The following CCBE1 variants were observed in gnomAD, a reference collection of about 807,000 sequenced individuals.
CCBE1 encodes collagen and calcium binding EGF domains 1, also known as collagen and calcium-binding EGF domain-containing protein 1.
A neutral mutation model predicts 50.0 loss-of-function variants in CCBE1; 37 were observed. The ratio of observed to expected loss-of-function variants is 0.74; its 90% CI spans 0.57 to 0.97. CCBE1 has a LOEUF of 0.97. Among genes scored for constraint, CCBE1 ranks in the 50% least tolerant of loss-of-function variants. The pLI, the probability that CCBE1 is intolerant of heterozygous loss-of-function variation, is 0.00. For missense variants in CCBE1, 538 were observed against 523.8 expected (o/e 1.03, Z -0.26); for synonymous variants, 234 against 203.7 (o/e 1.15, Z -1.27).
intron 2 of CCBE1, among the ~76,000 whole-genome samples, chr18:59,637,411 A>G (rs1162492264): frequency 2.6e-5 from 4 of 152,164 alleles, no homozygotes; most frequent in Admixed American, 6.5e-5. Flanking sequence ...CATCAATTAC[A>G]AAGAGGTGTG....
chr18:59,531,443 A>G (rs1915045536), intron 2 of CCBE1, among the ~76,000 whole-genome samples: 1 of 152,172 alleles, frequency 6.6e-6, no homozygotes, highest in South Asian at 2.1e-4. Flanking sequence ...GAGGAGCCAA[A>G]AAAAATTTTG....
At chr18:59,461,292 T>C (rs1470377604) in intron 5 of CCBE1, among the ~76,000 whole-genome samples, 2 of 140,812 alleles carry the variant, frequency 1.4e-5, no homozygotes, top group East Asian at 2.1e-4. Context: ...TGCTGAAGAG[T>C]GGAGGCACTT....
Position 59,630,271 on chromosome 18 carries a change from CAA to C in CCBE1, c.212+66356_212+66357del, listed in dbSNP as rs34953722. Among the ~76,000 whole-genome samples the C allele has an allele frequency of 5.9e-3, 826 of 139,674 alleles. 9 individuals are homozygous for C. Among genetic ancestry groups the C allele is most frequent in the East Asian group, 0.043 (211 of 4,918 alleles). The allele number at this position is 139,674 out of a possible 152,430, so 91.6% of individuals were successfully genotyped here. A position where few individuals can be genotyped will look rare whatever the true frequency, so the allele number is the denominator to read the frequency against. On this transcript the variant is annotated intron_variant, in intron 2 of 10. Transcript: ENST00000439986. ...ATTTATTATTTGAAAGCCTTTTGGG[CAA>C]AAAAAAAAAAAAGTCATTTAATCTT...
chr18:59,478,182 A>G (rs1036913005), intron 3 of CCBE1, among the ~76,000 whole-genome samples: 2 of 152,096 alleles, frequency 1.3e-5, no homozygotes, highest in Admixed American at 6.5e-5. Flanking sequence ...CCTGCCTACA[A>G]TGAAGATTTT....
Position 59,581,672 on chromosome 18 carries a change from G to T in CCBE1, c.213-101434C>A, listed in dbSNP as rs973288920. ...TTCTCCAAATACACCAACCACTACAGCATTGTCTACTTCTGTATTACTTAC... is the reference window on the plus strand; with the variant it reads ...TTCTCCAAATACACCAACCACTACATCATTGTCTACTTCTGTATTACTTAC... On this transcript the variant is annotated intron_variant, in intron 2 of 10. Coordinates refer to ENST00000439986, the MANE Select transcript of CCBE1 (RefSeq NM_133459.4). Among the ~76,000 whole-genome samples the T allele has an allele frequency of 2.0e-5, 3 of 152,256 alleles. No homozygotes were observed. In the East Asian group the frequency reaches 5.8e-4, roughly 29 times the overall value.
intron 6 of CCBE1, 86 bp downstream of exon 6, chr18:59,454,765 T>C: frequency 8.7e-7 from 1 of 1,155,654 alleles, no homozygotes; most frequent in Non-Finnish European, 1.3e-6. Flanking sequence ...TGTGGATATT[T>C]TCTTATTTGT....
At chr18:59,674,791 C>T (rs2054477633) in intron 2 of CCBE1, among the ~76,000 whole-genome samples, 1 of 152,120 alleles carries the variant, frequency 6.6e-6, no homozygotes, top group African/African-American at 2.4e-5. Context: ...TAATCCACAA[C>T]TTTTATAAAA....
At position 59,498,196 on chromosome 18, in the gene CCBE1, C is replaced by T. The variant is rs1913446571; in HGVS notation, c.213-17958G>A. 2.7e-5 allele frequency among the ~76,000 whole-genome samples: 4 copies of T among 149,194 alleles called. No individual in the cohort carries two copies. In the South Asian group the frequency reaches 6.3e-4, roughly 24 times the overall value. ...CATTTCTGTTCTTTGCAACCAAGAT[C>T]TTTTTTTTTTGTCCAGTTATACTGG... On this transcript the variant is annotated intron_variant, in intron 2 of 10. Transcript: ENST00000439986.
chr18:59,483,596 A>C (rs771869030), intron 2 of CCBE1, among the ~76,000 whole-genome samples: 37 of 152,212 alleles, frequency 2.4e-4, no homozygotes, highest in Non-Finnish European at 5.0e-4. Context: ...AATTTATAAA[A>C]ATTTCATAAA....
chr18:59,531,101 T>C (rs1385653982), intron 2 of CCBE1, among the ~76,000 whole-genome samples: 1 of 152,164 alleles, frequency 6.6e-6, no homozygotes, highest in Non-Finnish European at 1.5e-5. Flanking sequence ...TATTTTCAAA[T>C]ACATCTGAGT....
intron 2 of CCBE1, among the ~76,000 whole-genome samples, chr18:59,509,627 T>A (rs746112737): frequency 5.3e-5 from 8 of 152,156 alleles, no homozygotes; most frequent in African/African-American, 1.9e-4. Context: ...ATTTTGAATC[T>A]AGCACATGTC....
chr18:59,627,325 A>C (rs1463980393), intron 2 of CCBE1, among the ~76,000 whole-genome samples: 1 of 152,240 alleles, frequency 6.6e-6, no homozygotes, highest in Non-Finnish European at 1.5e-5. Flanking sequence ...GGAGAAAGAA[A>C]TATGAATTAC....
intron 5 of CCBE1, among the ~76,000 whole-genome samples, chr18:59,461,629 G>A (rs777708578): frequency 9.2e-5 from 14 of 151,670 alleles, no homozygotes; most frequent in Admixed American, 2.0e-4. Context: ...CCTTAGTAGA[G>A]TCATATCAGG....
chr18:59,437,869 T>A (rs1188222764), intron 10 of CCBE1, among the ~76,000 whole-genome samples: 1 of 152,158 alleles, frequency 6.6e-6, no homozygotes, highest in Non-Finnish European at 1.5e-5. Flanking sequence ...GGAAAGACAT[T>A]TCAAATAAAG....
chr18:59,462,948 C>A (rs1186434693), intron 5 of CCBE1, among the ~76,000 whole-genome samples: 1 of 152,170 alleles, frequency 6.6e-6, no homozygotes, highest in Non-Finnish European at 1.5e-5. Flanking sequence ...TAAAATAGAT[C>A]CTCTAATATT....
intron 10 of CCBE1, among the ~76,000 whole-genome samples, chr18:59,436,905 G>A (rs1910183705): frequency 1.3e-5 from 2 of 152,136 alleles, no homozygotes; most frequent in South Asian, 2.1e-4. Flanking sequence ...CCAAGAGGTC[G>A]AGGCTGCAGT....
intron 3 of CCBE1, among the ~76,000 whole-genome samples, chr18:59,477,740 C>G (rs1007443765): frequency 1.3e-5 from 2 of 152,192 alleles, no homozygotes; most frequent in African/African-American, 4.8e-5. Context: ...ACTTCATACC[C>G]TCTTCTGGGG....
intron 2 of CCBE1, among the ~76,000 whole-genome samples, chr18:59,515,676 C>T (rs17065909): frequency 0.17 from 26,286 of 152,118 alleles, 2,341 homozygotes; most frequent in Middle Eastern, 0.25. Context: ...CTCTATGTTG[C>T]TCCCCTCTAA....
intron 2 of CCBE1, among the ~76,000 whole-genome samples, chr18:59,668,341 T>C (rs11152169): frequency 0.44 from 66,221 of 151,594 alleles, 15,967 homozygotes; most frequent in African/African-American, 0.65. Flanking sequence ...TCCTGTTACC[T>C]GGGAGGCAGA....
Sources: gnomAD v4.1 joint callset for allele counts (sites outside exome capture counted in the v4.1 genomes callset) on GRCh38, gnomAD v4.1.1 for gene constraint, MANE v1.5 for transcripts, NCBI Gene and HGNC (gene_info 2026-07-23, HGNC 2026-07-21) for gene names.